CRB1: variants seen among roughly 807,000 people sequenced by gnomAD.
CRB1 encodes protein crumbs homolog 1.
In CRB1, 83 loss-of-function variants were observed where a neutral mutation model predicts 120.0. The ratio of observed to expected loss-of-function variants is 0.69; its 90% CI spans 0.58 to 0.83. The LOEUF (loss-of-function observed/expected upper bound fraction) is 0.83. CRB1 is among the 40% of genes least tolerant of loss of function. The pLI is 0.00. For missense variants in CRB1, 1,699 were observed against 1,687.6 expected, an observed-to-expected ratio of 1.01 and a Z score of -0.12; for synonymous variants, 625 against 612.5, an observed-to-expected ratio of 1.02 and a Z score of -0.30.
At chr1:197,384,319 A>C (rs968251820) in intron 5 of CRB1, among the ~76,000 whole-genome samples, 4 of 151,926 alleles carry the variant, frequency 2.6e-5, no homozygotes, top group African/African-American at 9.7e-5. Flanking sequence ...GGCTCCAAAC[A>C]CTCCCAGGTG....
chr1:197,253,294 C>T, the CRB1 span, among the ~76,000 whole-genome samples: 2 of 152,090 alleles, frequency 1.3e-5, no homozygotes, highest in Non-Finnish European at 1.5e-5. Flanking sequence ...ACTTGGCATA[C>T]TTATTCTTAC....
intron 5 of CRB1, among the ~76,000 whole-genome samples, chr1:197,393,351 T>C (rs189239115): frequency 1.3e-5 from 2 of 152,018 alleles, no homozygotes; most frequent in African/African-American, 2.4e-5. Context: ...TACTATATAG[T>C]AGATGGAAAA....
At chr1:197,459,154 T>C (rs1225652259) in intron 11 of CRB1, among the ~76,000 whole-genome samples, 1 of 152,064 alleles carries the variant, frequency 6.6e-6, no homozygotes. Context: ...TAGAAGTGGA[T>C]AAATTAAGAG....
chr1:197,325,635 C>T (rs868673737), intron 1 of CRB1, among the ~76,000 whole-genome samples: 30 of 151,980 alleles, frequency 2.0e-4, no homozygotes, highest in Admixed American at 8.5e-4. Context: ...TAACATTATT[C>T]CATACCACAG....
chr1:197,429,464 A>C lies in CRB1; in HGVS notation c.2692A>C (p.Asn898His). The C allele has an allele frequency of 6.2e-7, 1 of 1,613,894 alleles. No individual in the cohort carries two copies. Among genetic ancestry groups the C allele is most frequent in the Non-Finnish European group, 8.5e-7 (1 of 1,179,902 alleles). The change falls in exon 8 of 12, where the codon AAT becomes CAT. Residue 898 changes from asparagine (N) to histidine (H), a missense_variant. Transcript: ENST00000367400. ...DNSCKSNPCH[N>H]GGVCHSRWDD... is the part of the protein sequence containing the mutation. ...TTCTGCTCAGTCCAACCCCTGTCAC[A>C]ATGGAGGTGTTTGCCATTCCCGGTG...
chr1:197,439,595 A>G (rs1045051177), intron 10 of CRB1: 2 of 152,036 alleles, frequency 1.3e-5, no homozygotes, highest in African/African-American at 4.8e-5. Flanking sequence ...TTTGCTCAAC[A>G]CAATTTCTTT....
intron 9 of CRB1, among the ~76,000 whole-genome samples, chr1:197,437,711 C>T (rs1665230716): frequency 6.6e-6 from 1 of 152,078 alleles, no homozygotes; most frequent in African/African-American, 2.4e-5. Context: ...ATCATATAAG[C>T]TAGTCTATCC....
At chr1:197,400,304 C>G (rs1415268794) in intron 5 of CRB1, among the ~76,000 whole-genome samples, 1 of 127,080 alleles carries the variant, frequency 7.9e-6, no homozygotes, top group Admixed American at 8.0e-5. Flanking sequence ...AATGTAAGAG[C>G]TTTTTTTTTT....
the CRB1 span, among the ~76,000 whole-genome samples, chr1:197,216,340 A>C: frequency 0.014 from 2,151 of 152,306 alleles, 50 homozygotes; most frequent in African/African-American, 0.046. Context: ...AGGACAGAAG[A>C]CATATTAATT....
intron 4 of CRB1, among the ~76,000 whole-genome samples, chr1:197,351,219 G>C (rs1412917978): frequency 2.0e-5 from 3 of 150,344 alleles, no homozygotes; most frequent in Admixed American, 6.6e-5. Flanking sequence ...AATTAGCCGG[G>C]TGTGGTGTTG....
chr1:197,474,858 A>T (rs553810157), intron 11 of CRB1, among the ~76,000 whole-genome samples: 4 of 152,258 alleles, frequency 2.6e-5, no homozygotes, highest in African/African-American at 9.6e-5. Flanking sequence ...TCTAAAGATC[A>T]TTGGATAGTA....
intron 5 of CRB1, among the ~76,000 whole-genome samples, chr1:197,411,805 A>G (rs1319837107): frequency 1.3e-5 from 2 of 152,174 alleles, no homozygotes; most frequent in African/African-American, 4.8e-5. Flanking sequence ...GGGTACAAGT[A>G]CAGATTTTTT....
intron 5 of CRB1, among the ~76,000 whole-genome samples, chr1:197,366,280 CA>C (rs932311431): frequency 6.6e-6 from 1 of 151,952 alleles, no homozygotes; most frequent in Non-Finnish European, 1.5e-5. Flanking sequence ...AGAAAACATA[CA>C]GTTTACTTTT....
chr1:197,447,490 G>C (rs1468548775), intron 11 of CRB1: 1 of 152,124 alleles, frequency 6.6e-6, no homozygotes, highest in Non-Finnish European at 1.5e-5. Context: ...AAAGCGAGAG[G>C]GGCACACAAG....
chr1:197,328,960 T>C lies in CRB1; in HGVS notation c.609T>C (p.Asn203=), dbSNP rs1558057563. The change falls in exon 2 of 12, where the codon AAT becomes AAC. Residue 203 remains asparagine, a synonymous_variant. Transcript: ENST00000367400. ...DPCKNEATCL[N]EIGRYTCICP... The stretch of plus-strand genomic sequence containing the variant: ...GCAAGAACGAGGCTACATGCCTCAA[T>C]GAAATAGGAAGATATACTTGTATCT... The C allele has an allele frequency of 6.2e-7, 1 of 1,614,104 alleles. No homozygotes were observed. Among genetic ancestry groups the C allele is most frequent in the African/African-American group, 1.3e-5 (1 of 75,062 alleles).
chr1:197,248,342 G>T, the CRB1 span, among the ~76,000 whole-genome samples: 1 of 151,964 alleles, frequency 6.6e-6, no homozygotes, highest in African/African-American at 2.4e-5. Context: ...CGACGGGTCT[G>T]ATTTTGAATC....
intron 5 of CRB1, among the ~76,000 whole-genome samples, chr1:197,410,268 G>C (rs1257032529): frequency 6.6e-6 from 1 of 152,142 alleles, no homozygotes; most frequent in Non-Finnish European, 1.5e-5. Flanking sequence ...ATGAATGATG[G>C]ATTAAGGCCT....
intron 10 of CRB1, 187 bp downstream of exon 10, chr1:197,438,862 C>T (rs1665292708): frequency 1.7e-6 from 1 of 584,372 alleles, no homozygotes. Flanking sequence ...AAGGGGAGAA[C>T]ATTTTATTAG....
intron 4 of CRB1, among the ~76,000 whole-genome samples, chr1:197,351,187 CAAA>C (rs780090689): frequency 1.7e-3 from 147 of 85,362 alleles, no homozygotes; most frequent in Middle Eastern, 7.5e-3. Context: ...ACTAAAAATA[CAAA>C]AAAAAAAAAA....
Sources: allele counts gnomAD v4.1 joint callset (sites outside exome capture counted in the v4.1 genomes callset), GRCh38; gene constraint gnomAD v4.1.1; transcripts MANE v1.5; gene names NCBI Gene and HGNC (gene_info 2026-07-23, HGNC 2026-07-21).